IGFL2: variants seen among roughly 807,000 people sequenced by gnomAD.
The protein encoded by IGFL2 is insulin growth factor-like family member 2.
Under a neutral mutation model 13.9 loss-of-function variants are expected in IGFL2, and 7 were observed. That is an observed-to-expected ratio of 0.51 (90% confidence interval 0.29 to 0.95). The LOEUF is 0.95. IGFL2 is among the 40% of genes least tolerant of loss of function. The pLI, the probability that IGFL2 is intolerant of heterozygous loss-of-function variation, is 0.08. For missense variants in IGFL2, 138 were observed against 147.8 expected (o/e 0.93, Z 0.34); for synonymous variants, 55 against 55.8 (o/e 0.99, Z 0.07).
At chr19:46,162,111 A>T (rs1334477380), downstream of IGFL2, among the ~76,000 whole-genome samples, 2 of 152,210 alleles carry the variant, frequency 1.3e-5, no homozygotes, top group Non-Finnish European at 2.9e-5. Context: ...TTCTTTGAGA[A>T]TGTTGAATAT....
chr19:46,138,848 A>G (rs1972724899), upstream of IGFL2, among the ~76,000 whole-genome samples: 1 of 152,084 alleles, frequency 6.6e-6, no homozygotes, highest in Non-Finnish European at 1.5e-5. Context: ...CAGGTCTGAC[A>G]GTCAAGAAAG....
chr19:46,088,723 G>C, the IGFL2 span, among the ~76,000 whole-genome samples: 3 of 152,222 alleles, frequency 2.0e-5, no homozygotes, highest in Non-Finnish European at 1.5e-5. Flanking sequence ...AATGTGAGAA[G>C]AGGCGATGAG....
the IGFL2 span, among the ~76,000 whole-genome samples, chr19:46,089,340 A>C: frequency 6.6e-6 from 1 of 152,216 alleles, no homozygotes; most frequent in Non-Finnish European, 1.5e-5. Context: ...ATATCTCTTA[A>C]CAAATTATTG....
At chr19:46,116,594 C>G in the IGFL2 span, among the ~76,000 whole-genome samples, 2 of 152,138 alleles carry the variant, frequency 1.3e-5, no homozygotes, top group Non-Finnish European at 2.9e-5. Context: ...ACAGGCTAGT[C>G]TCGAAATTCT....
the IGFL2 span, among the ~76,000 whole-genome samples, chr19:46,129,695 T>G: frequency 6.6e-6 from 1 of 152,210 alleles, no homozygotes; most frequent in South Asian, 2.1e-4. Flanking sequence ...AGTCTTGATT[T>G]CTAATTTGAT....
At chr19:46,091,551 A>G in the IGFL2 span, among the ~76,000 whole-genome samples, 5 of 152,186 alleles carry the variant, frequency 3.3e-5, no homozygotes, top group African/African-American at 9.7e-5. Flanking sequence ...TGCTGAGATA[A>G]CCTATTGTTA....
At chr19:46,197,487 C>T in the IGFL2 span, among the ~76,000 whole-genome samples, 2 of 152,144 alleles carry the variant, frequency 1.3e-5, no homozygotes, top group Admixed American at 6.5e-5. Context: ...CTGGCCTCTC[C>T]TCCTGGCTCT....
At chr19:46,121,712 T>G in the IGFL2 span, among the ~76,000 whole-genome samples, 1 of 150,122 alleles carries the variant, frequency 6.7e-6, no homozygotes, top group African/African-American at 2.5e-5. Context: ...TTTTAGAAAA[T>G]GTAGGTAAAG....
chr19:46,128,406 A>T, the IGFL2 span, among the ~76,000 whole-genome samples: 1 of 152,150 alleles, frequency 6.6e-6, no homozygotes, highest in Non-Finnish European at 1.5e-5. Flanking sequence ...GAAAGAGGGC[A>T]TCCTTATCTT....
the IGFL2 span, among the ~76,000 whole-genome samples, chr19:46,126,465 T>A: frequency 6.6e-6 from 1 of 152,222 alleles, no homozygotes; most frequent in African/African-American, 2.4e-5. Context: ...TTTTGACAAC[T>A]CCTTCTGCCT....
chr19:46,188,467 A>C, the IGFL2 span, among the ~76,000 whole-genome samples: 2 of 151,678 alleles, frequency 1.3e-5, no homozygotes, highest in Non-Finnish European at 2.9e-5. Context: ...GTGTGGACCA[A>C]CTCCCATGCA....
At chr19:46,202,124 G>T in the IGFL2 span, among the ~76,000 whole-genome samples, 2,231 of 152,232 alleles carry the variant, frequency 0.015, 65 homozygotes, top group African/African-American at 0.051. Flanking sequence ...TTGGGGTGGA[G>T]ACTGAAGGAA....
the IGFL2 span, among the ~76,000 whole-genome samples, chr19:46,125,567 G>C: frequency 6.6e-6 from 1 of 152,206 alleles, no homozygotes; most frequent in Non-Finnish European, 1.5e-5. Context: ...TCTAAGGATT[G>C]GCCAGACTTT....
At chr19:46,113,387 G>C in the IGFL2 span, 16 of 382,424 alleles carry the variant, frequency 4.2e-5, no homozygotes, top group African/African-American at 3.5e-4. Flanking sequence ...AAACAGGAAA[G>C]GATCAATCAT....
the IGFL2 span, among the ~76,000 whole-genome samples, chr19:46,110,408 TG>T: frequency 6.6e-6 from 1 of 152,204 alleles, no homozygotes; most frequent in Non-Finnish European, 1.5e-5. Flanking sequence ...TGGCTGAGGA[TG>T]GGGGCTCCCC....
the IGFL2 span, chr19:46,111,454 A>G: frequency 2.0e-5 from 3 of 152,226 alleles, no homozygotes; most frequent in East Asian, 3.8e-4. Context: ...TAATGGGACA[A>G]CACTGAGAGG....
chr19:46,085,903 AC>A, the IGFL2 span, among the ~76,000 whole-genome samples: 1 of 152,214 alleles, frequency 6.6e-6, no homozygotes, highest in Non-Finnish European at 1.5e-5. Context: ...CAACAAAGAA[AC>A]CATACAGGAA....
At chr19:46,101,282 C>G in the IGFL2 span, 2,014 of 152,514 alleles carry the variant, frequency 0.013, 28 homozygotes, top group Middle Eastern at 0.027. Flanking sequence ...GGGGGGAAAC[C>G]CACTCATCTG....
At chr19:46,121,553 G>A in the IGFL2 span, among the ~76,000 whole-genome samples, 1 of 150,316 alleles carries the variant, frequency 6.7e-6, no homozygotes. Context: ...GAAAAATTGA[G>A]GAATTATGAG....
Sources: allele counts gnomAD v4.1 joint callset (sites outside exome capture counted in the v4.1 genomes callset), GRCh38; gene constraint gnomAD v4.1.1; transcripts MANE v1.5; gene names NCBI Gene and HGNC (gene_info 2026-07-23, HGNC 2026-07-21).